TRMT2B: variants seen among roughly 807,000 people sequenced by gnomAD.
TRMT2B encodes tRNA (uracil-5-)-methyltransferase homolog B.
In TRMT2B, 34 loss-of-function variants were observed where a neutral mutation model predicts 39.7. The ratio of observed to expected loss-of-function variants is 0.86; its 90% CI spans 0.65 to 1.14. TRMT2B has a LOEUF of 1.14. Ranked by LOEUF, TRMT2B falls within the 50% of genes most tolerant of loss-of-function variation. The pLI is 0.00. For missense variants in TRMT2B, 318 were observed against 377.2 expected (o/e 0.84, Z 1.30); for synonymous variants, 132 against 137.3 (o/e 0.96, Z 0.27).
the TRMT2B span, chrX:100,988,203 A>G: frequency 8.3e-7 from 1 of 1,207,267 alleles, no homozygotes. Flanking sequence ...CTTCTCCACC[A>G]GAACAGGAAT....
chrX:101,030,131 G>T (rs779303258), intron 7 of TRMT2B, among the ~76,000 whole-genome samples: 1 of 111,022 alleles, frequency 9.0e-6, no homozygotes, highest in African/African-American at 3.3e-5. Flanking sequence ...ACAGTGGCAC[G>T]TGCCTATAGT....
the TRMT2B span, chrX:100,987,672 T>C: frequency 1.2e-6 from 1 of 817,516 alleles, no homozygotes; most frequent in Non-Finnish European, 1.7e-6. Context: ...AGCAAGTCTC[T>C]TGATATCATT....
chrX:101,042,064 GTGGTCCAAGATGGCT>G lies in TRMT2B; in HGVS notation c.211_225del (p.Ser71_Pro75del). ...TACCTTTCCTGCCAGGAACCATCTA[GTGGTCCAAGATGGCT>G]TGGTTTCTTCTGACTTTTTTGTCCT... On this transcript the variant is annotated inframe_deletion, in exon 3 of 14. Coordinates refer to ENST00000372936, the MANE Select transcript of TRMT2B (RefSeq NM_024917.6). The G allele has an allele frequency of 8.3e-7, 1 of 1,212,029 alleles. No individual in the cohort carries two copies. The highest frequency in any genetic ancestry group is 1.1e-6 in the Non-Finnish European group (1 of 895,533).
chrX:101,001,848 G>T, the TRMT2B span, among the ~76,000 whole-genome samples: 1 of 104,964 alleles, frequency 9.5e-6, no homozygotes, highest in African/African-American at 3.4e-5. Flanking sequence ...AAAAAAAGCA[G>T]GGGGAAACAA....
intron 13 of TRMT2B, among the ~76,000 whole-genome samples, chrX:101,016,481 ATT>A (rs57781020): frequency 2.0e-5 from 2 of 100,640 alleles, no homozygotes; most frequent in Non-Finnish European, 2.0e-5. Context: ...TTAAATTTTG[ATT>A]TTTTTTTTTT....
chrX:100,991,220 T>A, the TRMT2B span, among the ~76,000 whole-genome samples: 8 of 111,684 alleles, frequency 7.2e-5, no homozygotes, highest in African/African-American at 2.6e-4. Context: ...AGCATGTCCT[T>A]GAGTGTCATG....
rs750534335 is a variant in TRMT2B at position 101,043,943 on chromosome X, G to T, written c.-23-1631C>A. Among the ~76,000 whole-genome samples, 3 of 111,974 alleles carry T rather than the reference G, an allele frequency of 2.7e-5. No individual in the cohort carries two copies. In the South Asian group the frequency reaches 1.1e-3, roughly 41 times the overall value. ...AGAGAATTAAAAATGAAATAAGGAG[G>T]CTGATAAAAAGCAAGTTCGGCTGGG... On this transcript the variant is annotated intron_variant, in intron 2 of 13. Transcript: ENST00000372936.
At chrX:101,023,444 G>T in intron 8 of TRMT2B, 26 bp downstream of exon 8, 1 of 1,197,073 alleles carries the variant, frequency 8.4e-7, no homozygotes, top group Non-Finnish European at 1.1e-6. Flanking sequence ...AAAAGTTAAG[G>T]TTGCTTAACA....
the TRMT2B span, among the ~76,000 whole-genome samples, chrX:100,997,515 T>C: frequency 8.9e-6 from 1 of 111,920 alleles, no homozygotes; most frequent in African/African-American, 3.2e-5. Flanking sequence ...ATTTATAGAT[T>C]GGTTAGTTTA....
At chrX:101,031,333 A>G (rs1012398647) in intron 7 of TRMT2B, among the ~76,000 whole-genome samples, 11 of 111,688 alleles carry the variant, frequency 9.8e-5, no homozygotes, top group African/African-American at 3.6e-4. Context: ...TTTGGTTAAC[A>G]CCTCCATTAT....
At chrX:100,992,534 T>C in the TRMT2B span, among the ~76,000 whole-genome samples, 2 of 111,081 alleles carry the variant, frequency 1.8e-5, no homozygotes, top group Non-Finnish European at 3.8e-5. Flanking sequence ...TGAGCCGAGA[T>C]TGCACCACTG....
chrX:101,032,094 A>T (rs930498884), intron 7 of TRMT2B, among the ~76,000 whole-genome samples: 1 of 110,334 alleles, frequency 9.1e-6, no homozygotes, highest in Non-Finnish European at 1.9e-5. Context: ...TAGACCACTC[A>T]TGCCAACCTG....
chrX:100,973,399 C>T, the TRMT2B span, among the ~76,000 whole-genome samples: 5 of 102,805 alleles, frequency 4.9e-5, no homozygotes, highest in Non-Finnish European at 8.0e-5. Flanking sequence ...GGGGCCCGTC[C>T]GCTCCTCCAG....
chrX:100,991,021 C>A, the TRMT2B span, among the ~76,000 whole-genome samples: 1 of 111,781 alleles, frequency 8.9e-6, no homozygotes, highest in Non-Finnish European at 1.9e-5. Flanking sequence ...TCCCTCTATC[C>A]CAAGGGTGGC....
intron 6 of TRMT2B, 125 bp downstream of exon 6, chrX:101,036,849 T>C: frequency 3.9e-6 from 2 of 518,830 alleles, no homozygotes; most frequent in East Asian, 3.5e-5. Context: ...TGTGATCACG[T>C]TCTGCATCAA....
the TRMT2B span, among the ~76,000 whole-genome samples, chrX:101,000,692 C>T: frequency 9.0e-6 from 1 of 110,875 alleles, no homozygotes; most frequent in Non-Finnish European, 1.9e-5. Context: ...GTTTTATCTG[C>T]AACCTGGTGT....
At chrX:101,047,561 G>A (rs962090378) in intron 2 of TRMT2B, among the ~76,000 whole-genome samples, 2 of 111,597 alleles carry the variant, frequency 1.8e-5, no homozygotes, top group Admixed American at 9.6e-5. Flanking sequence ...GCCGGGCATG[G>A]TGGCTCACAC....
chrX:101,048,113 TAC>T (rs56212711), intron 2 of TRMT2B, among the ~76,000 whole-genome samples: 4,236 of 90,261 alleles, frequency 0.047, 107 homozygotes, highest in Admixed American at 0.1. Context: ...TTTATACACA[TAC>T]ACACACACAC....
chrX:100,983,114 G>A, the TRMT2B span, among the ~76,000 whole-genome samples: 14 of 110,574 alleles, frequency 1.3e-4, no homozygotes, highest in Middle Eastern at 4.6e-3. Context: ...ACTCAGTACC[G>A]GTCCTTAGAG....
Sources: gnomAD v4.1 joint callset for allele counts (sites outside exome capture counted in the v4.1 genomes callset) on GRCh38, gnomAD v4.1.1 for gene constraint, MANE v1.5 for transcripts, NCBI Gene and HGNC (gene_info 2026-07-23, HGNC 2026-07-21) for gene names.